ACTN2: variants seen among roughly 807,000 people sequenced by gnomAD.
ACTN2 encodes the protein actinin alpha 2, also known as alpha-actinin-2.
In ACTN2, 39 loss-of-function variants were observed where a neutral mutation model predicts 113.8. That is an observed-to-expected ratio of 0.34 (90% CI 0.27 to 0.45). The LOEUF (loss-of-function observed/expected upper bound fraction) is 0.45. Ranked by LOEUF, ACTN2 falls within the 20% of genes least tolerant of loss-of-function variation. The probability of loss-of-function intolerance (pLI) is 1.00; values close to 1 mark genes in which losing one functional copy is unlikely to be tolerated. For synonymous variants in ACTN2, 429 were observed against 444.1 expected, an observed-to-expected ratio of 0.97 and a Z score of 0.43; for missense variants, 992 against 1,177.9, an observed-to-expected ratio of 0.84 and a Z score of 2.31.
intron 7 of ACTN2, among the ~76,000 whole-genome samples, chr1:236,735,349 T>G (rs1658836482): frequency 6.6e-6 from 1 of 152,108 alleles, no homozygotes; most frequent in Non-Finnish European, 1.5e-5. Context: ...GGTTTCCATG[T>G]GAAAGCATTG....
At chr1:236,720,717 G>A (rs891502161) in intron 4 of ACTN2, among the ~76,000 whole-genome samples, 2 of 151,904 alleles carry the variant, frequency 1.3e-5, no homozygotes, top group Non-Finnish European at 2.9e-5. Flanking sequence ...CCTTGACACT[G>A]CCACTGAAGA....
intron 1 of ACTN2, among the ~76,000 whole-genome samples, chr1:236,691,612 T>C (rs1279490064): frequency 6.6e-6 from 1 of 151,750 alleles, no homozygotes; most frequent in Non-Finnish European, 1.5e-5. Context: ...GCCGCTGCAC[T>C]CCAGCCTGGG....
intron 4 of ACTN2, among the ~76,000 whole-genome samples, chr1:236,724,687 G>T (rs968900563): frequency 1.3e-5 from 2 of 152,238 alleles, no homozygotes; most frequent in Non-Finnish European, 2.9e-5. Flanking sequence ...AGCAGCTCTG[G>T]GGAATGTGGC....
intron 5 of ACTN2, 97 bp from the exon 6 acceptor site, chr1:236,727,581 C>T (rs1658590051): frequency 2.3e-6 from 3 of 1,311,032 alleles, no homozygotes; most frequent in Non-Finnish European, 3.3e-6. Context: ...TGCATGAAGT[C>T]AGACAGAAGG....
In ACTN2 at chr1:236,759,802, T is replaced by C; in HGVS notation, c.2367+13T>C. On this transcript the variant is annotated intron_variant, in intron 19 of 20. Transcript: ENST00000366578. The stretch of plus-strand genomic sequence containing the variant: ...GGGTTATGACCTGGTAAGACAGAAG[T>C]TGAAATTGTACTAAGATTTGATATT... The C allele has an allele frequency of 1.9e-6, 3 of 1,608,326 alleles. No individual in the cohort carries two copies. Among genetic ancestry groups the C allele is most frequent in the Non-Finnish European group, 2.6e-6 (3 of 1,174,676 alleles).
intron 1 of ACTN2, among the ~76,000 whole-genome samples, chr1:236,708,265 G>A (rs890994880): frequency 1.3e-5 from 2 of 152,144 alleles, no homozygotes; most frequent in Non-Finnish European, 2.9e-5. Context: ...GAACATTAAG[G>A]CCTCAAATGG....
At chr1:236,689,053 G>A (rs1665974620) in intron 1 of ACTN2, among the ~76,000 whole-genome samples, 1 of 152,096 alleles carries the variant, frequency 6.6e-6, no homozygotes, top group African/African-American at 2.4e-5. Context: ...AAGCCTTGCT[G>A]TAGAAGGACT....
intron 14 of ACTN2, among the ~76,000 whole-genome samples, chr1:236,750,492 CTT>C (rs1243520881): frequency 6.6e-6 from 1 of 152,174 alleles, no homozygotes; most frequent in Admixed American, 6.5e-5. Context: ...AAGTCACACT[CTT>C]TGTCAAAGCT....
At chr1:236,713,249 C>T (rs374983865) in intron 1 of ACTN2, among the ~76,000 whole-genome samples, 35 of 147,070 alleles carry the variant, frequency 2.4e-4, no homozygotes, top group African/African-American at 7.0e-4. Context: ...TCTTTTGAGA[C>T]GGAGTTTCAC....
At position 236,754,131 on chromosome 1, in the gene ACTN2, C is replaced by A. The variant is rs745323343; in HGVS notation, c.1974+50C>A. The A allele has an allele frequency of 5.6e-6, 9 of 1,608,378 alleles. No individual in the cohort carries two copies. The highest frequency in any genetic ancestry group is 7.6e-6 in the Non-Finnish European group (9 of 1,179,738). ...TGTTCACAAGCCTTGCGATAAGTCCCTTTAGCCACGCAGCAGTGACACCGC... is the reference window on the plus strand; with the variant it reads ...TGTTCACAAGCCTTGCGATAAGTCCATTTAGCCACGCAGCAGTGACACCGC... On this transcript the variant is annotated intron_variant, in intron 16 of 20. Transcript: ENST00000366578. The surrounding 1 kb of genome is among the most constrained non-coding windows in gnomAD (Gnocchi z 4.9).
intron 5 of ACTN2, among the ~76,000 whole-genome samples, chr1:236,727,459 G>C (rs1295732392): frequency 6.6e-6 from 1 of 152,120 alleles, no homozygotes; most frequent in Non-Finnish European, 1.5e-5. Flanking sequence ...AGGAGACAGG[G>C]CAAGTCTCAG....
At chr1:236,743,569 C>CA (rs1659137275) in intron 11 of ACTN2, among the ~76,000 whole-genome samples, 1 of 143,152 alleles carries the variant, frequency 7.0e-6, no homozygotes, top group Admixed American at 7.0e-5. Context: ...GAATATGGCC[C>CA]TTTTTTTTTT....
At chr1:236,700,651 A>G (rs72760272) in intron 1 of ACTN2, among the ~76,000 whole-genome samples, 28,568 of 152,068 alleles carry the variant, frequency 0.19, 2,678 homozygotes, top group South Asian at 0.25. Flanking sequence ...TGACTTTGAG[A>G]CAGGAGGTGG....
At chr1:236,713,534 G>C (rs934596443) in intron 1 of ACTN2, among the ~76,000 whole-genome samples, 1 of 152,008 alleles carries the variant, frequency 6.6e-6, no homozygotes, top group African/African-American at 2.4e-5. Flanking sequence ...GCAAAGTATA[G>C]AACAATGTAT....
chr1:236,762,430 T>C (rs760572559), intron 20 of ACTN2, 31 bp from the exon 21 acceptor site: 2 of 1,613,712 alleles, frequency 1.2e-6, no homozygotes, highest in Non-Finnish European at 8.5e-7. Context: ...TTTCTGCAAC[T>C]GACTGCAAAC....
chr1:236,732,562 C>T (rs1037404635), intron 7 of ACTN2, among the ~76,000 whole-genome samples: 1 of 151,954 alleles, frequency 6.6e-6, no homozygotes, highest in Admixed American at 6.6e-5. Flanking sequence ...CTTGCCTCAG[C>T]CTCCTGAGTA....
rs1324793861 is a variant in ACTN2 at position 236,754,310 on chromosome 1, G to C, written c.1974+229G>C. ...AAGGCGGCACTCAAGGAAGGGGAGG[G>C]GGGTCTTGCTGGGTTCTGTTTATTT... On this transcript the variant is annotated intron_variant, in intron 16 of 20. Coordinates refer to ENST00000366578, the MANE Select transcript of ACTN2 (RefSeq NM_001103.4). The surrounding 1 kb of genome is among the most constrained non-coding windows in gnomAD (Gnocchi z 4.9). 1.3e-5 allele frequency among the ~76,000 whole-genome samples: 2 copies of C among 152,214 alleles called. No homozygotes were observed. The highest frequency in any genetic ancestry group is 2.9e-5 in the Non-Finnish European group (2 of 68,036).
intron 1 of ACTN2, among the ~76,000 whole-genome samples, chr1:236,693,177 G>GCA (rs35891713): frequency 0.1 from 15,076 of 148,952 alleles, 876 homozygotes; most frequent in African/African-American, 0.15. Flanking sequence ...CTGCACACAT[G>GCA]CACACACACA....
Position 236,686,737 on chromosome 1 carries a change from CAGG to C in ACTN2, c.73_75del (p.Glu25del), listed in dbSNP as rs1255354051. 1.3e-6 allele frequency: 2 copies of C among 1,559,736 alleles called. No individual in the cohort carries two copies. Among genetic ancestry groups the C allele is most frequent in the Non-Finnish European group, 8.7e-7 (1 of 1,152,670 alleles). On this transcript the variant is annotated inframe_deletion, in exon 1 of 21. Coordinates refer to ENST00000366578, the MANE Select transcript of ACTN2 (RefSeq NM_001103.4). ...GTACGACGAGGATGAGTACATGATC[CAGG>C]AGGAGGAGTGGGACCGCGACCTGCT...
Sources: gnomAD v4.1 joint callset for allele counts (sites outside exome capture counted in the v4.1 genomes callset) on GRCh38, gnomAD v4.1.1 for gene constraint, Gnocchi (gnomAD v3.1) non-coding constraint, MANE v1.5 for transcripts, NCBI Gene and HGNC (gene_info 2026-07-23, HGNC 2026-07-21) for gene names.